The following HSD17B12 variants were observed in gnomAD, a reference collection of about 807,000 sequenced individuals.
HSD17B12 encodes very-long-chain 3-oxoacyl-CoA reductase.
In HSD17B12, 32 loss-of-function variants were observed where a neutral mutation model predicts 39.3. The observed-to-expected ratio is 0.81, with a 90% CI of 0.61 to 1.09. The LOEUF is 1.09. HSD17B12 is among the 50% of genes least tolerant of loss of function. The probability of loss-of-function intolerance (pLI) is 0.00; values close to 1 mark genes in which losing one functional copy is unlikely to be tolerated. For synonymous variants in HSD17B12, 150 were observed against 146.7 expected, an observed-to-expected ratio of 1.02 and a Z score of -0.16; for missense variants, 342 against 382.9, an observed-to-expected ratio of 0.89 and a Z score of 0.89.
At chr11:43,700,663 A>T (rs7118766) in intron 1 of HSD17B12, among the ~76,000 whole-genome samples, 74,407 of 151,904 alleles carry the variant, frequency 0.49, 18,662 homozygotes, top group Non-Finnish European at 0.53. Flanking sequence ...AATGACTGGA[A>T]CTCATTCTTT....
intron 4 of HSD17B12, among the ~76,000 whole-genome samples, chr11:43,811,400 C>T (rs181076695): frequency 3.2e-4 from 48 of 152,208 alleles, no homozygotes; most frequent in Admixed American, 2.0e-3. Context: ...TAGGACAAAT[C>T]GCCATTGTGA....
intron 3 of HSD17B12, among the ~76,000 whole-genome samples, chr11:43,790,682 T>A (rs2135029837): frequency 6.6e-6 from 1 of 152,298 alleles, no homozygotes; most frequent in South Asian, 2.1e-4. Context: ...TAGAATGGCG[T>A]GCAATTTAAA....
chr11:43,842,311 T>TAA (rs1186425823), intron 9 of HSD17B12, among the ~76,000 whole-genome samples: 6 of 152,164 alleles, frequency 3.9e-5, no homozygotes, highest in African/African-American at 1.2e-4. Flanking sequence ...GATAGAATGG[T>TAA]AATGAAAGGA....
At chr11:43,673,145 C>G in the HSD17B12 span, 1 of 152,174 alleles carries the variant, frequency 6.6e-6, no homozygotes, top group Admixed American at 6.5e-5. Context: ...AGATGGTATG[C>G]TTAATAATTC....
At chr11:43,603,383 T>C in the HSD17B12 span, among the ~76,000 whole-genome samples, 1 of 152,178 alleles carries the variant, frequency 6.6e-6, no homozygotes, top group South Asian at 2.1e-4. Context: ...AAAAAAAAAC[T>C]TTAGGTTGTA....
chr11:43,682,544 C>CAAAAAAAAAAAAAAAAAAAAAAAA (rs55938101), intron 1 of HSD17B12, among the ~76,000 whole-genome samples: 1 of 118,446 alleles, frequency 8.4e-6, no homozygotes, highest in African/African-American at 3.2e-5. Flanking sequence ...AGACTCATCT[C>CAAAAAAAAAAAAAAAAAAAAAAAA]AAAAAAAAAA....
At chr11:43,603,793 AT>A in the HSD17B12 span, among the ~76,000 whole-genome samples, 1 of 152,200 alleles carries the variant, frequency 6.6e-6, no homozygotes, top group African/African-American at 2.4e-5. Context: ...CTTTATTTTA[AT>A]ATCTCGTTTC....
the HSD17B12 span, among the ~76,000 whole-genome samples, chr11:43,576,882 C>T: frequency 1.3e-5 from 2 of 152,110 alleles, no homozygotes; most frequent in African/African-American, 4.8e-5. Context: ...GCAACTCTCT[C>T]TCGCGTTATG....
the HSD17B12 span, among the ~76,000 whole-genome samples, chr11:43,582,369 C>T: frequency 2.0e-5 from 3 of 152,094 alleles, no homozygotes; most frequent in Non-Finnish European, 4.4e-5. Flanking sequence ...TCTGTGAGTC[C>T]CCCTCCTCCC....
the HSD17B12 span, among the ~76,000 whole-genome samples, chr11:43,665,516 G>A: frequency 6.6e-6 from 1 of 152,100 alleles, no homozygotes; most frequent in Non-Finnish European, 1.5e-5. Flanking sequence ...ACCATGCCTG[G>A]TGATAACTAC....
chr11:43,783,265 A>G (rs949015769), intron 3 of HSD17B12, among the ~76,000 whole-genome samples: 3 of 152,172 alleles, frequency 2.0e-5, no homozygotes, highest in African/African-American at 7.2e-5. Flanking sequence ...ATTATTCCTC[A>G]ATGTTAATTT....
At chr11:43,600,398 A>T in the HSD17B12 span, among the ~76,000 whole-genome samples, 1 of 151,454 alleles carries the variant, frequency 6.6e-6, no homozygotes, top group South Asian at 2.1e-4. Context: ...AAAAATAGGG[A>T]TCCTATTCTT....
chr11:43,675,438 T>C, the HSD17B12 span, among the ~76,000 whole-genome samples: 1 of 152,048 alleles, frequency 6.6e-6, no homozygotes, highest in Non-Finnish European at 1.5e-5. Flanking sequence ...ATTGACTTAT[T>C]TGAGGAACTG....
intron 1 of HSD17B12, among the ~76,000 whole-genome samples, chr11:43,687,515 G>A (rs1017966671): frequency 1.3e-5 from 2 of 152,200 alleles, no homozygotes; most frequent in Non-Finnish European, 2.9e-5. Flanking sequence ...GAGATCTGGC[G>A]GTTGAGTGTA....
chr11:43,677,140 G>A (rs1037477929), upstream of HSD17B12, among the ~76,000 whole-genome samples: 2 of 152,162 alleles, frequency 1.3e-5, no homozygotes, highest in African/African-American at 4.8e-5. Context: ...ACAGCCTTAG[G>A]GTTAGACCTA....
the HSD17B12 span, among the ~76,000 whole-genome samples, chr11:43,638,646 A>G: frequency 6.6e-6 from 1 of 152,168 alleles, no homozygotes; most frequent in Non-Finnish European, 1.5e-5. Flanking sequence ...ATTTGCATCT[A>G]GTGTTGAACC....
chr11:43,828,324 A>G (rs907016708), intron 6 of HSD17B12, among the ~76,000 whole-genome samples: 3 of 144,634 alleles, frequency 2.1e-5, no homozygotes, highest in South Asian at 2.3e-4. Context: ...TTGTATTTTT[A>G]GTAGAGACGA....
chr11:43,613,872 GGTC>G, the HSD17B12 span, among the ~76,000 whole-genome samples: 3 of 152,014 alleles, frequency 2.0e-5, no homozygotes, highest in Admixed American at 2.0e-4. Flanking sequence ...TCACCATGTT[GGTC>G]AGGCTGGCCT....
chr11:43,682,544 C>CAAAAAAAAAAAAAAAAAAAAAAAAAA (rs55938101), intron 1 of HSD17B12, among the ~76,000 whole-genome samples: 1 of 118,464 alleles, frequency 8.4e-6, no homozygotes, highest in African/African-American at 3.2e-5. Flanking sequence ...AGACTCATCT[C>CAAAAAAAAAAAAAAAAAAAAAAAAAA]AAAAAAAAAA....
Sources: allele counts gnomAD v4.1 joint callset (sites outside exome capture counted in the v4.1 genomes callset), GRCh38; gene constraint gnomAD v4.1.1; transcripts MANE v1.5; gene names NCBI Gene and HGNC (gene_info 2026-07-23, HGNC 2026-07-21).